NFIA: variants seen among roughly 807,000 people sequenced by gnomAD.
NFIA encodes nuclear factor I A, also known as nuclear factor 1 A-type.
NFIA carries 8 observed loss-of-function variants against 62.8 expected under a neutral mutation model. That is an observed-to-expected ratio of 0.13 (90% CI 0.07 to 0.23). The LOEUF (loss-of-function observed/expected upper bound fraction) is 0.23, where lower values mean the gene tolerates loss of function less well. Among genes scored for constraint, NFIA ranks in the 10% least tolerant of loss-of-function variants. The pLI, the probability that NFIA is intolerant of heterozygous loss-of-function variation, is 1.00. For synonymous variants in NFIA, 235 were observed against 238.1 expected (o/e 0.99, Z 0.12); for missense variants, 410 against 642.1 (o/e 0.64, Z 3.91).
upstream of NFIA, chr1:61,082,547 G>A: frequency 6.9e-7 from 1 of 1,440,798 alleles, no homozygotes. Context: ...GTGGAGTGTA[G>A]GGAAACTCTA....
intron 10 of NFIA, among the ~76,000 whole-genome samples, chr1:61,449,739 T>C (rs569730406): frequency 2.0e-5 from 3 of 152,218 alleles, no homozygotes; most frequent in Non-Finnish European, 4.4e-5. Context: ...TAAACAAGTC[T>C]TGGTTCGGAG....
At chr1:61,160,823 A>G (rs546088130) in intron 2 of NFIA, among the ~76,000 whole-genome samples, 2 of 152,320 alleles carry the variant, frequency 1.3e-5, no homozygotes, top group Middle Eastern at 3.4e-3. Flanking sequence ...ACCAAGTCAC[A>G]TTTTATAGAC....
intron 2 of NFIA, among the ~76,000 whole-genome samples, chr1:61,256,779 C>G (rs577627385): frequency 6.7e-4 from 102 of 152,190 alleles, no homozygotes; most frequent in Non-Finnish European, 1.2e-3. Flanking sequence ...ATACAAGGAT[C>G]CAGTAAATGA....
At chr1:61,132,908 C>T (rs1337773874) in intron 2 of NFIA, 1 of 152,174 alleles carries the variant, frequency 6.6e-6, no homozygotes, top group African/African-American at 2.4e-5. Context: ...GTCGATCTTT[C>T]ATTCAGCAAC....
chr1:61,333,488 T>C (rs1661419123), intron 4 of NFIA, among the ~76,000 whole-genome samples: 1 of 152,158 alleles, frequency 6.6e-6, no homozygotes, highest in Non-Finnish European at 1.5e-5. Flanking sequence ...TAGCCACTCA[T>C]AGGCTAGGAG....
chr1:61,275,695 A>G (rs192371732), intron 2 of NFIA, among the ~76,000 whole-genome samples: 138 of 152,240 alleles, frequency 9.1e-4, no homozygotes, highest in African/African-American at 3.0e-3. Flanking sequence ...CTTTCATTTT[A>G]GTTATAGAAA....
At chr1:61,105,945 C>T (rs1323846517) in intron 2 of NFIA, among the ~76,000 whole-genome samples, 1 of 151,222 alleles carries the variant, frequency 6.6e-6, no homozygotes, top group Non-Finnish European at 1.5e-5. Context: ...GTGTGCCACT[C>T]ATGTTCACTT....
At chr1:61,277,677 A>T in intron 3 of NFIA, 92 bp downstream of exon 3, 1 of 1,266,234 alleles carries the variant, frequency 7.9e-7, no homozygotes, top group South Asian at 1.2e-5. Flanking sequence ...CCTACCCTAT[A>T]AGTAGCCCAC....
Position 61,139,006 on chromosome 1 carries a change from A to G in NFIA, c.559+50326A>G, listed in dbSNP as rs913346640. On this transcript the variant is annotated intron_variant, in intron 2 of 10. Coordinates refer to ENST00000403491, the MANE Select transcript of NFIA (RefSeq NM_001134673.4). ...GGAGATCGAGACCAGCCTGGCCAAC[A>G]TGGTGAAACCTCATCTCTGCTAAAA... 1.2e-4 allele frequency among the ~76,000 whole-genome samples: 18 copies of G among 151,534 alleles called. 1 individual carries two copies. In the East Asian group the frequency reaches 3.6e-3, roughly 31 times the overall value.
intron 3 of NFIA, among the ~76,000 whole-genome samples, chr1:61,283,681 T>C (rs1034586032): frequency 6.6e-6 from 1 of 151,926 alleles, no homozygotes; most frequent in African/African-American, 2.4e-5. Context: ...TTCTCTTTTT[T>C]GATGAACATT....
At chr1:61,345,419 T>C (rs1310857794) in intron 4 of NFIA, among the ~76,000 whole-genome samples, 1 of 152,176 alleles carries the variant, frequency 6.6e-6, no homozygotes, top group Non-Finnish European at 1.5e-5. Flanking sequence ...ATTAAAGTCA[T>C]GTGTATCACC....
intron 9 of NFIA, among the ~76,000 whole-genome samples, chr1:61,421,187 T>C (rs1425004128): frequency 6.6e-6 from 1 of 152,146 alleles, no homozygotes; most frequent in Non-Finnish European, 1.5e-5. Flanking sequence ...GAGTTTTATT[T>C]ATATTACTTT....
intron 6 of NFIA, among the ~76,000 whole-genome samples, chr1:61,379,402 C>CTTTTTTTTTT (rs60735193): frequency 1.7e-4 from 17 of 98,250 alleles, no homozygotes; most frequent in African/African-American, 2.8e-4. Context: ...TTTTCTTTTT[C>CTTTTTTTTTT]TTTTTTTTTT....
At chr1:61,281,596 A>G (rs1302900676) in intron 3 of NFIA, among the ~76,000 whole-genome samples, 3 of 152,142 alleles carry the variant, frequency 2.0e-5, no homozygotes, top group African/African-American at 7.2e-5. Context: ...TATCCTCACA[A>G]TCTGTTCATC....
chr1:61,396,765 C>T (rs1665289734), intron 7 of NFIA, among the ~76,000 whole-genome samples: 2 of 151,918 alleles, frequency 1.3e-5, no homozygotes, highest in Middle Eastern at 6.8e-3. Context: ...TTGGGGAGGC[C>T]GAGGCAGGTA....
chr1:61,119,503 A>G (rs1238407833), intron 2 of NFIA, among the ~76,000 whole-genome samples: 1 of 152,194 alleles, frequency 6.6e-6, no homozygotes, highest in Non-Finnish European at 1.5e-5. Flanking sequence ...TAATCAGAGA[A>G]GTTGGCATTG....
intron 10 of NFIA, among the ~76,000 whole-genome samples, chr1:61,432,613 A>G (rs1425893485): frequency 1.3e-5 from 2 of 149,836 alleles, no homozygotes; most frequent in African/African-American, 5.0e-5. Context: ...ATATATATAC[A>G]CACACACACA....
chr1:61,189,148 GA>G (rs1343399754), intron 2 of NFIA, among the ~76,000 whole-genome samples: 1 of 152,172 alleles, frequency 6.6e-6, no homozygotes, highest in Non-Finnish European at 1.5e-5. Flanking sequence ...CTGTGGCCCA[GA>G]GAAAGCAGTG....
At chr1:61,324,173 T>C in intron 3 of NFIA, among the ~76,000 whole-genome samples, 1 of 152,166 alleles carries the variant, frequency 6.6e-6, no homozygotes, top group East Asian at 1.9e-4. Flanking sequence ...AAACTTTTCT[T>C]TAGAAGGATG....
Sources: allele counts gnomAD v4.1 joint callset (sites outside exome capture counted in the v4.1 genomes callset), GRCh38; gene constraint gnomAD v4.1.1; transcripts MANE v1.5; gene names NCBI Gene and HGNC (gene_info 2026-07-23, HGNC 2026-07-21).